CDH13: variants seen among roughly 807,000 people sequenced by gnomAD.
The protein encoded by CDH13 is cadherin 13.
In CDH13, 24 loss-of-function variants were observed where a neutral mutation model predicts 63.8. The observed-to-expected ratio is 0.38, with a 90% CI of 0.27 to 0.53. The LOEUF is 0.53. Among genes scored for constraint, CDH13 ranks in the 20% least tolerant of loss-of-function variants. The probability of loss-of-function intolerance (pLI) is 0.85; values close to 1 mark genes in which losing one functional copy is unlikely to be tolerated. For synonymous variants in CDH13, 503 were observed against 355.3 expected (o/e 1.42, Z -4.67); for missense variants, 1,049 against 903.1 (o/e 1.16, Z -2.07).
At chr16:82,797,774 CGTGTGTGTGTGT>C (rs3046484) in intron 1 of CDH13, among the ~76,000 whole-genome samples, 189 of 145,644 alleles carry the variant, frequency 1.3e-3, no homozygotes, top group African/African-American at 3.6e-3. Context: ...ACTTTAGGGC[CGTGTGTGTGTGT>C]GTGTGTGTGT....
chr16:82,966,070 C>A (rs1484109473), intron 2 of CDH13, among the ~76,000 whole-genome samples: 1 of 152,184 alleles, frequency 6.6e-6, no homozygotes, highest in African/African-American at 2.4e-5. Flanking sequence ...TTGTGCAGCC[C>A]TGTGTAAAAT....
intron 10 of CDH13, among the ~76,000 whole-genome samples, chr16:83,732,855 C>T (rs1468956631): frequency 1.3e-5 from 2 of 152,196 alleles, no homozygotes; most frequent in African/African-American, 4.8e-5. Context: ...GAATTCCAGG[C>T]TGCTCTTCCA....
chr16:83,651,133 A>G (rs1402420096), intron 8 of CDH13, among the ~76,000 whole-genome samples: 1 of 152,024 alleles, frequency 6.6e-6, no homozygotes, highest in African/African-American at 2.4e-5. Context: ...GTTGATCAGA[A>G]CACTTCTGGT....
At chr16:83,543,189 C>T (rs2075324947) in intron 7 of CDH13, among the ~76,000 whole-genome samples, 3 of 152,204 alleles carry the variant, frequency 2.0e-5, no homozygotes, top group Non-Finnish European at 4.4e-5. Context: ...GCATAAAAGA[C>T]TTCGATATTT....
intron 6 of CDH13, among the ~76,000 whole-genome samples, chr16:83,469,037 A>G (rs2073390068): frequency 6.6e-6 from 1 of 152,112 alleles, no homozygotes; most frequent in African/African-American, 2.4e-5. Context: ...TCCCTGGTAT[A>G]TCTTTTCTCT....
intron 6 of CDH13, among the ~76,000 whole-genome samples, chr16:83,357,911 G>C (rs754540685): frequency 6.6e-6 from 1 of 152,148 alleles, no homozygotes; most frequent in Non-Finnish European, 1.5e-5. Flanking sequence ...TGAGCATTTT[G>C]CGAGTGGGAG....
intron 7 of CDH13, chr16:83,508,272 C>A (rs748930000): frequency 6.5e-6 from 1 of 154,538 alleles, no homozygotes; most frequent in African/African-American, 2.4e-5. Context: ...CAATAACTCA[C>A]TTACTGGGGT....
intron 1 of CDH13, among the ~76,000 whole-genome samples, chr16:82,660,445 C>T (rs1209519879): frequency 6.6e-5 from 10 of 152,012 alleles, no homozygotes; most frequent in Non-Finnish European, 1.5e-4. Context: ...CCGGGGCGTG[C>T]GGGGAAACCC....
At chr16:82,894,914 A>T (rs2041201909) in intron 2 of CDH13, among the ~76,000 whole-genome samples, 1 of 152,074 alleles carries the variant, frequency 6.6e-6, no homozygotes, top group South Asian at 2.1e-4. Flanking sequence ...CAGGCTAGGG[A>T]GTCGTGAGCA....
rs151099930 is a variant in CDH13 at position 82,870,552 on chromosome 16, T to A, written c.157+12079T>A. ...AATGGGTACACAAATACAGCTAGAA[T>A]GAATAAAATCTAGTATTTTGTAGCG... On this transcript the variant is annotated intron_variant, in intron 2 of 13. Coordinates refer to ENST00000567109, the MANE Select transcript of CDH13 (RefSeq NM_001257.5). 2.7e-4 allele frequency among the ~76,000 whole-genome samples: 41 copies of A among 152,222 alleles called. 2 individuals are homozygous for A. The highest frequency in any genetic ancestry group is 9.4e-4 in the African/African-American group (39 of 41,554).
chr16:83,417,372 C>T (rs1466848898), intron 6 of CDH13, among the ~76,000 whole-genome samples: 1 of 152,162 alleles, frequency 6.6e-6, no homozygotes, highest in Non-Finnish European at 1.5e-5. Flanking sequence ...GCAAATGCTG[C>T]ACCCAGAATC....
At chr16:82,858,171 A>G (rs148513149) in intron 1 of CDH13, among the ~76,000 whole-genome samples, 191 bp from the exon 2 acceptor site, 3 of 152,238 alleles carry the variant, frequency 2.0e-5, no homozygotes, top group Non-Finnish European at 4.4e-5. Flanking sequence ...CAGCTGTTCC[A>G]TTTGCGTATT....
intron 7 of CDH13, among the ~76,000 whole-genome samples, chr16:83,552,064 T>G (rs1484685349): frequency 6.6e-6 from 1 of 152,186 alleles, no homozygotes; most frequent in Non-Finnish European, 1.5e-5. Flanking sequence ...AGGGGAATAC[T>G]AAGAAAATAG....
chr16:83,704,282 A>G (rs1053539863), intron 10 of CDH13, among the ~76,000 whole-genome samples: 5 of 152,132 alleles, frequency 3.3e-5, no homozygotes, highest in Non-Finnish European at 7.4e-5. Flanking sequence ...GGCAAGAGAG[A>G]TAATGAACAA....
At chr16:83,006,126 C>G (rs1913467691) in intron 2 of CDH13, among the ~76,000 whole-genome samples, 1 of 152,134 alleles carries the variant, frequency 6.6e-6, no homozygotes, top group Non-Finnish European at 1.5e-5. Flanking sequence ...TCCTTTAACT[C>G]AAAGCTTTCT....
chr16:83,730,277 G>A (rs546754868), intron 10 of CDH13, among the ~76,000 whole-genome samples: 2 of 152,192 alleles, frequency 1.3e-5, no homozygotes, highest in South Asian at 2.1e-4. Context: ...GCAAATCTGA[G>A]TATTAAAGGC....
chr16:83,240,036 T>C (rs550645559), intron 5 of CDH13, among the ~76,000 whole-genome samples: 10 of 152,200 alleles, frequency 6.6e-5, no homozygotes, highest in Middle Eastern at 3.4e-3. Flanking sequence ...GCCAGCAAGA[T>C]GGTGGAGGAT....
At chr16:83,387,523 A>G (rs2091698540) in intron 6 of CDH13, among the ~76,000 whole-genome samples, 1 of 152,214 alleles carries the variant, frequency 6.6e-6, no homozygotes, top group African/African-American at 2.4e-5. Context: ...AAAAATTTAA[A>G]GTAAATGAAC....
chr16:83,321,806 G>A (rs932647760), intron 5 of CDH13, among the ~76,000 whole-genome samples: 3 of 152,186 alleles, frequency 2.0e-5, no homozygotes, highest in Admixed American at 2.0e-4. Flanking sequence ...GGGATTACAG[G>A]CGTGAGCTCT....
Sources: allele counts gnomAD v4.1 joint callset (sites outside exome capture counted in the v4.1 genomes callset), GRCh38; gene constraint gnomAD v4.1.1; transcripts MANE v1.5; gene names NCBI Gene and HGNC (gene_info 2026-07-23, HGNC 2026-07-21).